Variants in DLGAP1 observed in about 807,000 individuals in gnomAD.
The protein encoded by DLGAP1 is DLG associated protein 1, also known as disks large-associated protein 1.
In DLGAP1, 11 loss-of-function variants were observed where a neutral mutation model predicts 90.8. That is an observed-to-expected ratio of 0.12 (90% confidence interval 0.08 to 0.20). DLGAP1 has a LOEUF of 0.20. Ranked by LOEUF, DLGAP1 falls within the 10% of genes least tolerant of loss-of-function variation. DLGAP1 has a pLI of 1.00. For synonymous variants in DLGAP1, 558 were observed against 540.7 expected (o/e 1.03, Z -0.44); for missense variants, 1,050 against 1,333.8 (o/e 0.79, Z 3.31).
chr18:3,657,648 G>A (rs931416361), intron 7 of DLGAP1, among the ~76,000 whole-genome samples: 22 of 149,894 alleles, frequency 1.5e-4, no homozygotes, highest in Admixed American at 1.3e-3. Context: ...TGTTGCCCAG[G>A]CTGGAGTGCA....
chr18:4,096,886 G>A (rs1221984606), intron 2 of DLGAP1, among the ~76,000 whole-genome samples: 1 of 152,130 alleles, frequency 6.6e-6, no homozygotes, highest in Non-Finnish European at 1.5e-5. Flanking sequence ...AGCTAACAAT[G>A]GTACCTGGCA....
At chr18:3,998,948 A>G (rs535684938) in intron 3 of DLGAP1, among the ~76,000 whole-genome samples, 1 of 152,296 alleles carries the variant, frequency 6.6e-6, no homozygotes, top group South Asian at 2.1e-4. Flanking sequence ...CTGGACAGAC[A>G]GGCTCAATAG....
chr18:4,250,898 T>C (rs537440099), intron 1 of DLGAP1, among the ~76,000 whole-genome samples: 1 of 151,956 alleles, frequency 6.6e-6, no homozygotes, highest in South Asian at 2.1e-4. Flanking sequence ...ACCATGTAAC[T>C]TAAGTCAGCT....
At chr18:4,044,531 A>G (rs984868586) in intron 2 of DLGAP1, among the ~76,000 whole-genome samples, 4 of 152,126 alleles carry the variant, frequency 2.6e-5, no homozygotes, top group Non-Finnish European at 4.4e-5. Flanking sequence ...CCATGAGGTC[A>G]GGAGTTTGAG....
intron 2 of DLGAP1, among the ~76,000 whole-genome samples, chr18:4,098,879 A>G (rs1267546661): frequency 6.6e-6 from 1 of 152,172 alleles, no homozygotes; most frequent in Non-Finnish European, 1.5e-5. Context: ...AGTTTAAGTA[A>G]GTTGTGTAAA....
chr18:3,535,791 G>T (rs1238889076), intron 9 of DLGAP1, among the ~76,000 whole-genome samples: 3 of 152,090 alleles, frequency 2.0e-5, no homozygotes, highest in East Asian at 1.9e-4. Context: ...CAGCACTTTG[G>T]GAGGCCGAGG....
chr18:4,193,755 AG>A (rs1598591955), intron 1 of DLGAP1, among the ~76,000 whole-genome samples: 1 of 152,166 alleles, frequency 6.6e-6, no homozygotes, highest in Non-Finnish European at 1.5e-5. Context: ...GAAAGCTAAA[AG>A]CTAGAGTTTT....
chr18:3,819,923 AC>A (rs1445608791), intron 4 of DLGAP1, among the ~76,000 whole-genome samples: 12 of 152,244 alleles, frequency 7.9e-5, no homozygotes, highest in African/African-American at 2.9e-4. Context: ...GTGGGTTACA[AC>A]CCTTTGAAAG....
chr18:3,990,475 G>A (rs1427749858), intron 3 of DLGAP1, among the ~76,000 whole-genome samples: 23 of 141,646 alleles, frequency 1.6e-4, no homozygotes, highest in African/African-American at 6.0e-4. Flanking sequence ...CACACTCTGG[G>A]GACTGTTGTG....
intron 3 of DLGAP1, among the ~76,000 whole-genome samples, chr18:3,905,388 A>AAAAAAG (rs2071881985): frequency 6.7e-6 from 1 of 149,544 alleles, no homozygotes; most frequent in Non-Finnish European, 1.5e-5. Flanking sequence ...AAAAAAAAAA[A>AAAAAAG]AAAAGAAAAG....
chr18:4,237,085 G>A (rs1361619925), intron 1 of DLGAP1, among the ~76,000 whole-genome samples: 2 of 152,140 alleles, frequency 1.3e-5, no homozygotes, highest in African/African-American at 2.4e-5. Context: ...TGAAGCTATC[G>A]AGTAGCTCAG....
chr18:3,551,722 CCCTTCCTT>C (rs1156785378), intron 9 of DLGAP1, among the ~76,000 whole-genome samples: 1,015 of 12,426 alleles, frequency 0.082, 98 homozygotes, highest in East Asian at 0.17. Flanking sequence ...CTCCCTCCCT[CCCTTCCTT>C]CCTTCCTTCC....
At chr18:4,445,924 C>G (rs2083653012) in intron 1 of DLGAP1, among the ~76,000 whole-genome samples, 1 of 151,926 alleles carries the variant, frequency 6.6e-6, no homozygotes. Flanking sequence ...AATCCTTCCT[C>G]CTGGTAAAAC....
chr18:3,746,870 G>T (rs9962409), intron 5 of DLGAP1, among the ~76,000 whole-genome samples: 9,668 of 152,180 alleles, frequency 0.064, 1,025 homozygotes, highest in African/African-American at 0.22. Context: ...CATTGTGTAC[G>T]ATTGCATCTA....
intron 7 of DLGAP1, among the ~76,000 whole-genome samples, chr18:3,631,696 G>A (rs1278823920): frequency 3.3e-5 from 5 of 152,130 alleles, no homozygotes; most frequent in African/African-American, 7.2e-5. Flanking sequence ...GCAGTAAGCC[G>A]TGATTGCACC....
At chr18:3,941,560 T>C (rs947742207) in intron 3 of DLGAP1, among the ~76,000 whole-genome samples, 1 of 152,154 alleles carries the variant, frequency 6.6e-6, no homozygotes, top group African/African-American at 2.4e-5. Context: ...AATTATAAAA[T>C]CAGAAGCCTG....
intron 9 of DLGAP1, among the ~76,000 whole-genome samples, chr18:3,564,325 C>T (rs1357114097): frequency 3.3e-5 from 5 of 151,910 alleles, no homozygotes; most frequent in Non-Finnish European, 4.4e-5. Context: ...TTTTCTCTTA[C>T]GTGGGATAAG....
At chr18:4,004,580 T>C (rs2165652) in intron 3 of DLGAP1, among the ~76,000 whole-genome samples, 10,254 of 152,298 alleles carry the variant, frequency 0.067, 461 homozygotes, top group East Asian at 0.22. Flanking sequence ...AGAAAAACTA[T>C]GAGTCAGAAG....
At chr18:3,889,454 T>C (rs576008397) in intron 3 of DLGAP1, among the ~76,000 whole-genome samples, 1 of 152,210 alleles carries the variant, frequency 6.6e-6, no homozygotes, top group Non-Finnish European at 1.5e-5. Context: ...TCAAATTTTC[T>C]CTTATAAAGT....
Sources: gnomAD v4.1 joint callset for allele counts (sites outside exome capture counted in the v4.1 genomes callset) on GRCh38, gnomAD v4.1.1 for gene constraint, MANE v1.5 for transcripts, NCBI Gene and HGNC (gene_info 2026-07-23, HGNC 2026-07-21) for gene names.